The following MKLN1 variants were observed in gnomAD, a reference collection of about 807,000 sequenced individuals.
MKLN1 encodes the protein muskelin.
MKLN1 carries 18 observed loss-of-function variants against 99.0 expected under a neutral mutation model. The observed-to-expected ratio is 0.18, with a 90% CI of 0.13 to 0.27. The LOEUF is 0.27. Among genes scored for constraint, MKLN1 ranks in the 10% least tolerant of loss-of-function variants. The pLI is 1.00. For synonymous variants in MKLN1, 288 were observed against 293.2 expected (o/e 0.98, Z 0.18); for missense variants, 621 against 875.9 (o/e 0.71, Z 3.67).
rs79905840 is a variant in MKLN1 at position 131,183,175 on chromosome 7, C to T, written c.-296-19682C>T. 0.014 allele frequency among the ~76,000 whole-genome samples: 2,183 copies of T among 152,298 alleles called. 103 individuals carry two copies. The East Asian group carries it at 0.16, about 11-fold the overall frequency. On this transcript the variant is annotated intron_variant, in intron 2 of 7. Transcript: ENST00000416992. ...AATCAATCAGATATTTACTAAGTGC[C>T]TCTTCTGATGACTTCTTACATTTCA... is the stretch of plus-strand genomic sequence containing the variant.
At chr7:131,440,500 A>G (rs963760794) in intron 10 of MKLN1, among the ~76,000 whole-genome samples, 1 of 152,218 alleles carries the variant, frequency 6.6e-6, no homozygotes, top group African/African-American at 2.4e-5. Flanking sequence ...AAAGCAATAA[A>G]TAACAAAGCT....
intron 3 of MKLN1, among the ~76,000 whole-genome samples, chr7:131,250,152 G>A (rs1284211832): frequency 6.6e-6 from 1 of 152,182 alleles, no homozygotes; most frequent in African/African-American, 2.4e-5. Context: ...TGCCCCAACT[G>A]ACCATGGCGA....
chr7:131,256,253 G>T (rs184697931), intron 3 of MKLN1, among the ~76,000 whole-genome samples: 28 of 152,256 alleles, frequency 1.8e-4, no homozygotes, highest in African/African-American at 6.0e-4. Context: ...AACCACAGGT[G>T]AAAGAAAGGC....
At chr7:131,358,651 A>G (rs995519665) in intron 1 of MKLN1, among the ~76,000 whole-genome samples, 1 of 152,178 alleles carries the variant, frequency 6.6e-6, no homozygotes, top group African/African-American at 2.4e-5. Context: ...CAGTGAAACC[A>G]TCTGGGCCTG....
At chr7:131,329,098 CAAAA>C (rs1798989151) in intron 1 of MKLN1, among the ~76,000 whole-genome samples, 1 of 152,112 alleles carries the variant, frequency 6.6e-6, no homozygotes, top group Non-Finnish European at 1.5e-5. Context: ...TTTTACTAAA[CAAAA>C]AAGTGACTAG....
intron 3 of MKLN1, among the ~76,000 whole-genome samples, chr7:131,294,123 C>A (rs1332240810): frequency 1.3e-5 from 2 of 152,062 alleles, no homozygotes; most frequent in African/African-American, 2.4e-5. Context: ...TTGTTAATAT[C>A]TTGGATCAAA....
At chr7:131,199,737 A>AGGCT in intron 2 of MKLN1, among the ~76,000 whole-genome samples, 1 of 152,344 alleles carries the variant, frequency 6.6e-6, no homozygotes, top group East Asian at 1.9e-4. Flanking sequence ...TCTATCACCC[A>AGGCT]GGCTGGAGTA....
At chr7:131,339,922 A>G (rs12706973) in intron 1 of MKLN1, among the ~76,000 whole-genome samples, 56,323 of 151,308 alleles carry the variant, frequency 0.37, 10,627 homozygotes, top group East Asian at 0.48. Flanking sequence ...TTTTTTTAGT[A>G]TGACTAATAT....
chr7:131,204,850 C>T (rs1350451634), intron 3 of MKLN1, among the ~76,000 whole-genome samples: 1 of 151,400 alleles, frequency 6.6e-6, no homozygotes, highest in Non-Finnish European at 1.5e-5. Context: ...AGGAGAATGG[C>T]GTGAACTCAG....
At chr7:131,449,386 T>C (rs1320844229) in intron 12 of MKLN1, among the ~76,000 whole-genome samples, 1 of 152,226 alleles carries the variant, frequency 6.6e-6, no homozygotes, top group Non-Finnish European at 1.5e-5. Flanking sequence ...AGGTTTAATA[T>C]CAGTGTCTTG....
intron 15 of MKLN1, among the ~76,000 whole-genome samples, chr7:131,470,192 G>A (rs1796779829): frequency 6.6e-6 from 1 of 152,048 alleles, no homozygotes; most frequent in African/African-American, 2.4e-5. Flanking sequence ...TGTGATAAAC[G>A]ATGATAAAAT....
chr7:131,489,643 G>C lies in MKLN1; in HGVS notation c.*1915G>C, dbSNP rs1179293772. ...TCTAGTTTTGCTTAGTGTGAATTCTGGCACTTTAAAAAGATTAAGCAAGTG... is the reference window on the plus strand; with the variant it reads ...TCTAGTTTTGCTTAGTGTGAATTCTCGCACTTTAAAAAGATTAAGCAAGTG... On this transcript the variant is annotated 3_prime_UTR_variant, in exon 18 of 18. Coordinates refer to ENST00000352689, the MANE Select transcript of MKLN1 (RefSeq NM_013255.5). 1 of 152,020 alleles carries C rather than the reference G, an allele frequency of 6.6e-6. No individual in the cohort carries two copies. Among genetic ancestry groups the C allele is most frequent in the Non-Finnish European group, 1.5e-5 (1 of 68,000 alleles). 9.4% of individuals were successfully genotyped at this position (152,020 alleles called of 1,614,324 possible).
chr7:131,300,961 G>A (rs1349079063), intron 3 of MKLN1, among the ~76,000 whole-genome samples: 1 of 152,206 alleles, frequency 6.6e-6, no homozygotes, highest in Non-Finnish European at 1.5e-5. Context: ...TCCAAAGGGA[G>A]GAGGTGAGCT....
At chr7:131,133,092 G>A (rs1468970401) in intron 1 of MKLN1, among the ~76,000 whole-genome samples, 1 of 151,780 alleles carries the variant, frequency 6.6e-6, no homozygotes, top group African/African-American at 2.4e-5. Context: ...GAATTGATGT[G>A]TTGCTGTACA....
At position 131,340,403 on chromosome 7, in the gene MKLN1, C is replaced by G. The variant is rs779949018; in HGVS notation, c.98+12406C>G. On this transcript the variant is annotated intron_variant, in intron 1 of 17. Transcript: ENST00000352689. ...AGCAATTTTCCTGCCTCAGCCCCCC[C>G]AAGTAGCTGGGACTACAGGTGCGCA... is the stretch of plus-strand genomic sequence containing the variant. Among the ~76,000 whole-genome samples, 4 of 151,610 alleles carry G rather than the reference C, an allele frequency of 2.6e-5. No individual in the cohort carries two copies. The East Asian group carries it at 7.7e-4, about 29-fold the overall frequency.
At chr7:131,258,129 T>TAA (rs538652283) in intron 3 of MKLN1, among the ~76,000 whole-genome samples, 1 of 114,404 alleles carries the variant, frequency 8.7e-6, no homozygotes. Flanking sequence ...TCAAAAAAAT[T>TAA]AAAAAAAAAA....
chr7:131,175,012 GT>G (rs1796273844), intron 2 of MKLN1, among the ~76,000 whole-genome samples: 1 of 149,252 alleles, frequency 6.7e-6, no homozygotes, highest in African/African-American at 2.5e-5. Flanking sequence ...GATAGATAGG[GT>G]GGGTATATAG....
At chr7:131,399,541 G>GT (rs1182432307) in intron 6 of MKLN1, 108 bp downstream of exon 6, 3 of 906,976 alleles carry the variant, frequency 3.3e-6, no homozygotes, top group African/African-American at 1.7e-5. Context: ...TTTTTTCTTG[G>GT]TTTTTTACTC....
At chr7:131,281,558 TA>T (rs902038203) in intron 3 of MKLN1, among the ~76,000 whole-genome samples, 2 of 152,124 alleles carry the variant, frequency 1.3e-5, no homozygotes, top group African/African-American at 2.4e-5. Flanking sequence ...TCAATTTCTG[TA>T]AAATAAAAAA....
Sources: gnomAD v4.1 joint callset for allele counts (sites outside exome capture counted in the v4.1 genomes callset) on GRCh38, gnomAD v4.1.1 for gene constraint, MANE v1.5 for transcripts, NCBI Gene and HGNC (gene_info 2026-07-23, HGNC 2026-07-21) for gene names.